HERC2: variants seen among roughly 807,000 people sequenced by gnomAD.
The protein encoded by HERC2 is E3 ubiquitin-protein ligase HERC2.
In HERC2, 102 loss-of-function variants were observed where a neutral mutation model predicts 537.7. The ratio of observed to expected loss-of-function variants is 0.19; its 90% CI spans 0.16 to 0.22. The LOEUF is 0.22. Among genes scored for constraint, HERC2 ranks in the 10% least tolerant of loss-of-function variants. The pLI, the probability that HERC2 is intolerant of heterozygous loss-of-function variation, is 1.00. For synonymous variants in HERC2, 2,224 were observed against 2,466.2 expected (o/e 0.90, Z 2.91); for missense variants, 4,236 against 6,198.2 (o/e 0.68, Z 10.63).
At chr15:28,242,155 T>C (rs1422568411) in intron 23 of HERC2, among the ~76,000 whole-genome samples, 2 of 152,172 alleles carry the variant, frequency 1.3e-5, no homozygotes, top group Admixed American at 1.3e-4. Context: ...AGTTGCCAGG[T>C]GCTAGGGAAA....
At chr15:28,135,738 A>T in intron 78 of HERC2, 46 bp from the exon 79 acceptor site, 6 of 1,376,372 alleles carry the variant, frequency 4.4e-6, no homozygotes, top group Non-Finnish European at 6.2e-6. Context: ...TAATCTCAAT[A>T]TCCCCTAAAT....
At chr15:28,160,128 T>G (rs1369521455) in intron 69 of HERC2, among the ~76,000 whole-genome samples, 1 of 152,172 alleles carries the variant, frequency 6.6e-6, no homozygotes. Flanking sequence ...CCGTGTGAGG[T>G]GTCAGTCTGC....
rs577422098 is a variant in HERC2, at chr15:28,289,749, C to G, written c.322+3139G>C. Among the ~76,000 whole-genome samples, 739 of 152,314 alleles carry G rather than the reference C, an allele frequency of 4.9e-3. 4 individuals are homozygous for G. Among genetic ancestry groups the G allele is most frequent in the Non-Finnish European group, 7.3e-3 (498 of 68,024 alleles). ...TTACGGGACATGGCTCCCTGGAAAA[C>G]GTTCCCTAAGGTGTATAAACTATCT... is the stretch of plus-strand genomic sequence containing the variant. On this transcript the variant is annotated intron_variant, in intron 4 of 92. Transcript: ENST00000261609.
In HERC2 at chr15:28,251,005, T is replaced by C. The variant is rs562208177; in HGVS notation, c.3051-2269A>G. 3.3e-5 allele frequency among the ~76,000 whole-genome samples: 5 copies of C among 152,310 alleles called. No individual in the cohort carries two copies. The South Asian group carries it at 1.0e-3, about 32-fold the overall frequency. ...AATCTGCTGTAGAACCAATGTCCCA[T>C]ACAGGACCCCACGTGCCACAGGAAC... On this transcript the variant is annotated intron_variant, in intron 20 of 92. Transcript: ENST00000261609.
At chr15:28,146,486 C>T (rs1473538610) in intron 70 of HERC2, 142 bp from the exon 71 acceptor site, 1 of 642,220 alleles carries the variant, frequency 1.6e-6, no homozygotes, top group African/African-American at 1.8e-5. Context: ...GCATCTCAGA[C>T]TGACCACTCT....
chr15:28,152,768 C>G lies in HERC2; in HGVS notation c.10809G>C (p.Gln3603His). The G allele has an allele frequency of 6.4e-7, 1 of 1,553,130 alleles. No individual in the cohort carries two copies. Among genetic ancestry groups the G allele is most frequent in the South Asian group, 1.2e-5 (1 of 84,182 alleles). Reference protein sequence around the residue: ...TELEDVATDSQSGRLSSQPVV... With the variant: ...TELEDVATDSHSGRLSSQPVV... ...CAGGCTGAGAAGAGAGGCGGCCGCT[C>G]TGCGAGTCTGTGGCCACATCCTCCA... The change falls in exon 70 of 93, where the codon CAG becomes CAC. Residue 3603 changes from glutamine (Q) to histidine (H), a missense_variant. Coordinates refer to ENST00000261609, the MANE Select transcript of HERC2 (RefSeq NM_004667.6).
At chr15:28,321,575 G>A in intron 1 of HERC2, 111 bp from the exon 2 acceptor site, 1 of 500,036 alleles carries the variant, frequency 2.0e-6, no homozygotes, top group South Asian at 2.5e-5. Flanking sequence ...GGGGAGAGAA[G>A]AGCTGGTGGA....
chr15:28,169,731 G>A (rs1020888190), intron 65 of HERC2, 76 bp from the exon 66 acceptor site: 10 of 1,437,738 alleles, frequency 7.0e-6, no homozygotes, highest in Middle Eastern at 2.0e-4. Flanking sequence ...TGACCTTACA[G>A]GTTAGTTCCA....
chr15:28,251,049 A>G (rs6497292), intron 20 of HERC2, among the ~76,000 whole-genome samples: 33,708 of 152,156 alleles, frequency 0.22, 7,433 homozygotes, highest in African/African-American at 0.55. Context: ...CACATGCAGC[A>G]AGGATGAAGA....
At chr15:28,153,441 G>A (rs1401676089) in intron 69 of HERC2, among the ~76,000 whole-genome samples, 5 of 152,202 alleles carry the variant, frequency 3.3e-5, no homozygotes, top group Admixed American at 3.3e-4. Flanking sequence ...ATCACTGGAG[G>A]TCAGGAGTTC....
rs2076565216 is a variant in HERC2, at chr15:28,299,639, A to G, written c.73-123T>C. The G allele has an allele frequency of 4.9e-6, 3 of 616,174 alleles. No individual in the cohort carries two copies. The Admixed American group carries it at 9.3e-5, about 19-fold the overall frequency. 38.2% of individuals were successfully genotyped at this position (616,174 alleles called of 1,614,324 possible). A position where few individuals can be genotyped will look rare whatever the true frequency, so the allele number is the denominator to read the frequency against. ...ATTCGATCATTTGGTAATAAAATCA[A>G]TGATTTACTGAATTAGTGATTTAAT... On this transcript the variant is annotated intron_variant, in intron 2 of 92. Transcript: ENST00000261609.
chr15:28,266,539 C>T (rs989378742), intron 12 of HERC2, among the ~76,000 whole-genome samples: 6 of 152,064 alleles, frequency 3.9e-5, no homozygotes, highest in Non-Finnish European at 7.4e-5. Context: ...CTTGTAAAGT[C>T]CACTGCAGCT....
At chr15:28,117,438 A>T (rs1566909710) in intron 86 of HERC2, 1 of 676,002 alleles carries the variant, frequency 1.5e-6, no homozygotes, top group Non-Finnish European at 2.7e-6. Context: ...AACACGACAC[A>T]CACCACCACC....
Position 28,144,182 on chromosome 15 carries a change from A to G in HERC2, c.11194T>C (p.Leu3732=). 2 of 1,614,226 alleles carry G rather than the reference A, an allele frequency of 1.2e-6. No homozygotes were observed. Among genetic ancestry groups the G allele is most frequent in the East Asian group, 4.5e-5 (2 of 44,864 alleles). ...CGGAAGTCTAACAGACACGTCACCA[A>G]GTCCATGGATGGACAGGAGAGGACG... The part of the protein sequence containing the change: ...RCVLSCPSMD[L]VTCLLDFRLN... Residue 3732 remains leucine, a synonymous_variant, in exon 73 of 93, where the codon TTG becomes CTG. Coordinates refer to ENST00000261609, the MANE Select transcript of HERC2 (RefSeq NM_004667.6).
chr15:28,296,689 T>TAAA (rs4035974), intron 3 of HERC2, among the ~76,000 whole-genome samples: 1 of 115,240 alleles, frequency 8.7e-6, no homozygotes, highest in Non-Finnish European at 1.8e-5. Flanking sequence ...TACTGATACA[T>TAAA]AAAAAAAAAA....
chr15:28,134,996 G>T (rs775781083), intron 79 of HERC2, among the ~76,000 whole-genome samples: 33 of 152,236 alleles, frequency 2.2e-4, no homozygotes, highest in South Asian at 2.1e-4. Context: ...TTATATGGTG[G>T]TTTAGTTATT....
intron 2 of HERC2, among the ~76,000 whole-genome samples, chr15:28,300,762 T>A (rs2076598256): frequency 8.7e-6 from 1 of 115,088 alleles, no homozygotes; most frequent in Non-Finnish European, 1.6e-5. Flanking sequence ...GGCAGAGGTT[T>A]CAGTGAGCCG....
At position 28,122,406 on chromosome 15, in the gene HERC2, C is replaced by T. The variant is rs1345261929; in HGVS notation, c.13189-977G>A. Among the ~76,000 whole-genome samples the T allele has an allele frequency of 2.0e-5, 3 of 152,330 alleles. No individual in the cohort carries two copies. The highest frequency in any genetic ancestry group is 7.2e-5 in the African/African-American group (3 of 41,580). On this transcript the variant is annotated intron_variant, in intron 85 of 92. Transcript: ENST00000261609. This position sits in a 1 kb window ranked among gnomAD's most constrained non-coding sequence, Gnocchi z 4.1. ...GAGCACAAGGGTCCCTCAGTGGAGG[C>T]TGAGCCCTTGCCCAGCTCAAAGCCT...
Position 28,242,750 on chromosome 15 carries a change from T to C in HERC2, c.3577+3131A>G, listed in dbSNP as rs143242604. On this transcript the variant is annotated intron_variant, in intron 23 of 92. Coordinates refer to ENST00000261609, the MANE Select transcript of HERC2 (RefSeq NM_004667.6). ...GTAGTTTTATTCCAGAAACGGAAGG[T>C]TGAGTCAACATTTGAAAAGTCAGTA... Among the ~76,000 whole-genome samples, 34 of 152,290 alleles carry C rather than the reference T, an allele frequency of 2.2e-4. No homozygotes were observed. In the East Asian group the frequency reaches 5.6e-3, roughly 25 times the overall value.
Sources: allele counts gnomAD v4.1 joint callset (sites outside exome capture counted in the v4.1 genomes callset), GRCh38; gene constraint gnomAD v4.1.1; non-coding constraint Gnocchi (gnomAD v3.1); transcripts MANE v1.5; gene names NCBI Gene and HGNC (gene_info 2026-07-23, HGNC 2026-07-21).